ERG: variants seen among roughly 807,000 people sequenced by gnomAD.
ERG encodes transcriptional regulator ERG.
ERG carries 9 observed loss-of-function variants against 55.3 expected under a neutral mutation model. The ratio of observed to expected loss-of-function variants is 0.16; its 90% CI spans 0.10 to 0.28. The LOEUF is 0.28. ERG is among the 10% of genes least tolerant of loss of function. The pLI is 1.00. For synonymous variants in ERG, 223 were observed against 237.3 expected (o/e 0.94, Z 0.55); for missense variants, 434 against 631.6 (o/e 0.69, Z 3.35).
intron 2 of ERG, among the ~76,000 whole-genome samples, chr21:38,426,173 A>T (rs981369014): frequency 6.6e-6 from 1 of 152,214 alleles, no homozygotes; most frequent in Non-Finnish European, 1.5e-5. Flanking sequence ...TAATGGTCTG[A>T]GTTCCCATGA....
chr21:38,397,470 C>T (rs145494149), intron 6 of ERG, among the ~76,000 whole-genome samples: 2 of 151,822 alleles, frequency 1.3e-5, no homozygotes, highest in East Asian at 1.9e-4. Flanking sequence ...TGATGGCATG[C>T]GCCTGTAGCC....
Position 38,403,689 on chromosome 21 carries a change from C to A in ERG, c.409G>T (p.Asp137Tyr). 1 of 1,614,166 alleles carries A rather than the reference C, an allele frequency of 6.2e-7. No homozygotes were observed. The highest frequency in any genetic ancestry group is 8.5e-7 in the Non-Finnish European group (1 of 1,180,010). Reference sequence around the variant, plus strand: ...CACTCCAGCCACTGCCGCACATGGTCTGTACTCCATAGCGTAGGATCTGAA... The same window carrying A: ...CACTCCAGCCACTGCCGCACATGGTATGTACTCCATAGCGTAGGATCTGAA... ...VPADPTLWST[D>Y]HVRQWLEWAV... Residue 137 changes from aspartate to tyrosine, a missense_variant, in exon 4 of 10, where the codon GAC becomes TAC. By Grantham distance (160) the Asp-to-Tyr change is radical. Transcript: ENST00000288319.
upstream of ERG, among the ~76,000 whole-genome samples, chr21:38,588,309 G>C (rs1401696832): frequency 7.3e-6 from 1 of 136,846 alleles, no homozygotes; most frequent in Non-Finnish European, 1.7e-5. Flanking sequence ...GACCTGAAGA[G>C]ACACCCCCCA....
At chr21:38,439,820 C>G (rs1032954708) in intron 2 of ERG, among the ~76,000 whole-genome samples, 1 of 152,194 alleles carries the variant, frequency 6.6e-6, no homozygotes, top group African/African-American at 2.4e-5. Context: ...CTTGTAAGCA[C>G]GTTAGGACTG....
upstream of ERG, among the ~76,000 whole-genome samples, chr21:38,501,016 A>C (rs1173185526): frequency 6.6e-6 from 1 of 151,800 alleles, no homozygotes; most frequent in Non-Finnish European, 1.5e-5. Context: ...ATTTAATGTA[A>C]AGTGTTTTAA....
chr21:38,657,024 A>C (rs1601362363), intron 1 of ERG, among the ~76,000 whole-genome samples: 1 of 152,224 alleles, frequency 6.6e-6, no homozygotes. Context: ...GTTAGGCTTT[A>C]AAAGGAAGCA....
chr21:38,383,118 C>T lies in ERG; in HGVS notation c.*285G>A. ...TTTCTTAAGACCACTTTCTTTGGCA[C>T]TTTGTCCTTAAGACTTCATGCTTCT... On this transcript the variant is annotated 3_prime_UTR_variant, in exon 10 of 10. Coordinates refer to ENST00000288319, the MANE Select transcript of ERG (RefSeq NM_182918.4). This position sits in a 1 kb window ranked among gnomAD's most constrained non-coding sequence, Gnocchi z 5.7. 1 of 1,163,344 alleles carries T rather than the reference C, an allele frequency of 8.6e-7. No individual in the cohort carries two copies. The highest frequency in any genetic ancestry group is 1.1e-6 in the Non-Finnish European group (1 of 944,338). 72.1% of individuals were successfully genotyped at this position (1,163,344 alleles called of 1,614,324 possible).
At chr21:38,379,948 T>C (rs928692260), downstream of ERG, 4 of 939,416 alleles carry the variant, frequency 4.3e-6, no homozygotes, top group African/African-American at 7.1e-5. Context: ...GCCTCTGTCC[T>C]TCAAAGTGTT....
At chr21:38,491,238 C>T (rs912960603) in intron 1 of ERG, among the ~76,000 whole-genome samples, 32 of 150,944 alleles carry the variant, frequency 2.1e-4, no homozygotes, top group African/African-American at 6.8e-4. Flanking sequence ...CAATAAAACC[C>T]GATGAAACCC....
chr21:38,632,347 A>G (rs1385889339), intron 1 of ERG, among the ~76,000 whole-genome samples: 4 of 152,222 alleles, frequency 2.6e-5, no homozygotes. Context: ...TAGGATGAAC[A>G]CTATAATTTT....
intron 1 of ERG, among the ~76,000 whole-genome samples, chr21:38,599,098 G>A (rs1233489086): frequency 6.6e-6 from 1 of 152,212 alleles, no homozygotes; most frequent in Non-Finnish European, 1.5e-5. Context: ...GGGCACAGGG[G>A]CTAGTGACTG....
intron 1 of ERG, among the ~76,000 whole-genome samples, chr21:38,632,350 A>G (rs1021847107): frequency 1.3e-5 from 2 of 152,238 alleles, no homozygotes; most frequent in Non-Finnish European, 2.9e-5. Context: ...GATGAACACT[A>G]TAATTTTTTA....
At chr21:38,400,676 A>G (rs1720221801) in intron 5 of ERG, 31 bp from the exon 6 acceptor site, 1 of 1,547,586 alleles carries the variant, frequency 6.5e-7, no homozygotes, top group East Asian at 2.3e-5. Flanking sequence ...AAACATGTGA[A>G]GGTCTTTTGT....
At chr21:38,477,826 C>T (rs1336301989) in intron 1 of ERG, among the ~76,000 whole-genome samples, 1 of 152,124 alleles carries the variant, frequency 6.6e-6, no homozygotes, top group African/African-American at 2.4e-5. Context: ...GGAACCAAAC[C>T]TCTATGTTAC....
chr21:38,405,610 T>A (rs1156373034), intron 3 of ERG, among the ~76,000 whole-genome samples: 1 of 152,162 alleles, frequency 6.6e-6, no homozygotes, highest in Non-Finnish European at 1.5e-5. Flanking sequence ...GGCCTCACTA[T>A]TCCAAGCGTG....
upstream of ERG, among the ~76,000 whole-genome samples, chr21:38,589,126 C>A (rs998846721): frequency 6.6e-6 from 1 of 152,164 alleles, no homozygotes; most frequent in Non-Finnish European, 1.5e-5. Context: ...CTGGCCACCA[C>A]GTGTAAGCAG....
chr21:38,545,186 C>A (rs2059780328), intron 2 of ERG, among the ~76,000 whole-genome samples: 1 of 152,210 alleles, frequency 6.6e-6, no homozygotes, highest in African/African-American at 2.4e-5. Flanking sequence ...TCTGCTGCCT[C>A]TTACCCCAAA....
downstream of ERG, among the ~76,000 whole-genome samples, chr21:38,377,736 C>A (rs1987281956): frequency 6.6e-6 from 1 of 152,144 alleles, no homozygotes; most frequent in African/African-American, 2.4e-5. Context: ...TCAGCCCTGG[C>A]TCCTGGCATC....
At chr21:38,462,903 G>A (rs752331712) in intron 1 of ERG, among the ~76,000 whole-genome samples, 6 of 152,236 alleles carry the variant, frequency 3.9e-5, no homozygotes, top group African/African-American at 1.2e-4. Flanking sequence ...CCTGTAAAGC[G>A]GACCAGGAAA....
Sources: allele counts gnomAD v4.1 joint callset (sites outside exome capture counted in the v4.1 genomes callset), GRCh38; gene constraint gnomAD v4.1.1; non-coding constraint Gnocchi (gnomAD v3.1); transcripts MANE v1.5; gene names NCBI Gene and HGNC (gene_info 2026-07-23, HGNC 2026-07-21).